PHF7: variants seen among roughly 807,000 people sequenced by gnomAD.
PHF7 encodes PHD finger protein 7.
A neutral mutation model predicts 47.5 loss-of-function variants in PHF7; 24 were observed. The ratio of observed to expected loss-of-function variants is 0.51; its 90% confidence interval spans 0.37 to 0.71. The LOEUF (loss-of-function observed/expected upper bound fraction) is 0.71, where lower values mean the gene tolerates loss of function less well. PHF7 is among the 30% of genes least tolerant of loss of function. The probability of loss-of-function intolerance (pLI) is 0.00; values close to 1 mark genes in which losing one functional copy is unlikely to be tolerated. For synonymous variants in PHF7, 156 were observed against 153.8 expected (o/e 1.01, Z -0.11); for missense variants, 361 against 456.8 (o/e 0.79, Z 1.91).
chr3:52,414,445 T>C (rs767385095), intron 3 of PHF7, 51 bp from the exon 4 acceptor site: 61 of 1,012,822 alleles, frequency 6.0e-5, no homozygotes, highest in South Asian at 2.6e-5. Context: ...ACCCTTCTCT[T>C]CCATTCTTAA....
intron 3 of PHF7, 26 bp from the exon 4 acceptor site, chr3:52,414,470 C>T (rs779906245): frequency 4.2e-6 from 6 of 1,419,978 alleles, no homozygotes; most frequent in Non-Finnish European, 6.0e-6. Flanking sequence ...CAATTTGAGC[C>T]AAATTCTGGG....
rs781597806 is a variant in PHF7 at position 52,422,906 on chromosome 3, C to G, written c.919+25C>G. 1.9e-6 allele frequency: 3 copies of G among 1,613,866 alleles called. No individual in the cohort carries two copies. In the South Asian group the frequency reaches 3.3e-5, roughly 18 times the overall value. ...GGTGAGGCTGGAGGGATGGGCCGGC[C>G]TCAGAGCAAGGAGGGGGCTGTAGGG... On this transcript the variant is annotated intron_variant, in intron 10 of 10. Coordinates refer to ENST00000327906, the MANE Select transcript of PHF7 (RefSeq NM_016483.7).
At chr3:52,423,045 G>A (rs1462681238) in intron 10 of PHF7, 46 bp from the exon 11 acceptor site, 3 of 1,507,320 alleles carry the variant, frequency 2.0e-6, no homozygotes, top group Non-Finnish European at 1.8e-6. Context: ...CTGTGCCTGG[G>A]AGAAGCAGAG....
chr3:52,412,811 C>A lies in PHF7; in HGVS notation c.-69C>A. On this transcript the variant is annotated splice_region_variant and 5_prime_UTR_variant, in exon 2 of 11. The change creates a new upstream start codon in the 5' untranslated region. Coordinates refer to ENST00000327906, the MANE Select transcript of PHF7 (RefSeq NM_016483.7). ...TACCAAACCCCATTTATATTTATAG[C>A]TGGAAGAGCCTGTATTGTCCTCACA... 8.1e-7 allele frequency: 1 copy of A among 1,234,778 alleles called. No homozygotes were observed. The highest frequency in any genetic ancestry group is 1.2e-6 in the Non-Finnish European group (1 of 848,976). 76.5% of individuals were successfully genotyped at this position (1,234,778 alleles called of 1,614,324 possible). A position where few individuals can be genotyped will look rare whatever the true frequency, so the allele number is the denominator to read the frequency against.
rs868656396 is a variant in PHF7, at chr3:52,422,272, G to A, written c.731G>A (p.Arg244His). The stretch of plus-strand genomic sequence containing the variant: ...GGGGCTTTCTCAGACTTATATCAGC[G>A]CTATCAGCACTGTGATGCCCCCATC... ...EPGAFSDLYQ[R>H]YQHCDAPICL... is the part of the protein sequence containing the mutation. The change falls in exon 9 of 11, where the codon CGC (arginine) becomes CAC (histidine). Residue 244 changes from arginine (R) to histidine (H), a missense_variant. By Grantham distance (29) the Arg-to-His change is conservative. Coordinates refer to ENST00000327906, the MANE Select transcript of PHF7 (RefSeq NM_016483.7). 1.2e-6 allele frequency: 2 copies of A among 1,613,906 alleles called. No homozygotes were observed. Among genetic ancestry groups the A allele is most frequent in the East Asian group, 2.2e-5 (1 of 44,888 alleles).
In PHF7 at chr3:52,410,712, A is replaced by G. The variant is rs1705392554; in HGVS notation, c.-605A>G. On this transcript the variant is annotated 5_prime_UTR_variant, in exon 1 of 11. Coordinates refer to ENST00000327906, the MANE Select transcript of PHF7 (RefSeq NM_016483.7). ...GGGCGGCCGCCCGGAGGTAGCTACC[A>G]CGGCCTGTGTCAACGACTAAAGCTC... The G allele has an allele frequency of 6.6e-6, 1 of 152,640 alleles. No homozygotes were observed. The highest frequency in any genetic ancestry group is 6.5e-5 in the Admixed American group (1 of 15,294). 9.5% of individuals were successfully genotyped at this position (152,640 alleles called of 1,614,324 possible). A position where few individuals can be genotyped will look rare whatever the true frequency, so the allele number is the denominator to read the frequency against.
chr3:52,421,547 T>C, intron 7 of PHF7, 101 bp from the exon 8 acceptor site: 1 of 755,826 alleles, frequency 1.3e-6, no homozygotes, highest in Non-Finnish European at 2.4e-6. Flanking sequence ...ACCCTCAAAC[T>C]CTCTTAGCAA....
intron 1 of PHF7, among the ~76,000 whole-genome samples, 161 bp from the exon 2 acceptor site, chr3:52,412,650 C>T (rs1344134109): frequency 6.6e-6 from 1 of 152,198 alleles, no homozygotes; most frequent in Non-Finnish European, 1.5e-5. Flanking sequence ...GTACCTACTG[C>T]ATGGCGTGTT....
chr3:52,421,195 T>C, intron 7 of PHF7, 133 bp downstream of exon 7: 2 of 747,406 alleles, frequency 2.7e-6, no homozygotes, highest in Admixed American at 3.0e-5. Context: ...GAGGGCTGGT[T>C]TCAGGCAGTT....
In PHF7 at chr3:52,419,904, CA is replaced by C; in HGVS notation, c.263del (p.Lys88ArgfsTer131). On this transcript the variant is annotated frameshift_variant, in exon 5 of 11. Transcript: ENST00000327906. LOFTEE classifies it high-confidence loss of function. ...TCCATGGATTTCTGCCTGAAGACAT[CA>C]AAAAGGAGGCAGCCCGGGCTTCTAG... ...GFHGFLPEDI[K>X]KEAARASRKI... is the part of the protein sequence containing the mutation. 6.2e-7 allele frequency: 1 copy of C among 1,609,042 alleles called. No homozygotes were observed. Among genetic ancestry groups the C allele is most frequent in the Non-Finnish European group, 8.5e-7 (1 of 1,177,140 alleles).
chr3:52,418,952 C>T (rs547972907), intron 4 of PHF7, among the ~76,000 whole-genome samples: 10 of 151,972 alleles, frequency 6.6e-5, no homozygotes, highest in South Asian at 2.1e-4. Flanking sequence ...GGATTACAGG[C>T]GCGCACCACC....
At chr3:52,417,821 G>C (rs1421515675) in intron 4 of PHF7, among the ~76,000 whole-genome samples, 1 of 152,164 alleles carries the variant, frequency 6.6e-6, no homozygotes, top group Non-Finnish European at 1.5e-5. Flanking sequence ...ACATTGAATA[G>C]AAGTGGTGTG....
At chr3:52,422,711 A>C (rs748570768) in intron 9 of PHF7, 49 bp from the exon 10 acceptor site, 5 of 1,606,050 alleles carry the variant, frequency 3.1e-6, no homozygotes, top group Non-Finnish European at 8.5e-7. Context: ...CAAGCATGGC[A>C]GTTGGTGTTC....
intron 2 of PHF7, 99 bp from the exon 3 acceptor site, chr3:52,413,897 C>A: frequency 1.3e-6 from 1 of 781,670 alleles, no homozygotes; most frequent in Non-Finnish European, 2.3e-6. Context: ...TATGTTGGTC[C>A]TTCATCAGAC....
intron 4 of PHF7, among the ~76,000 whole-genome samples, chr3:52,417,007 A>G (rs935091803): frequency 2.1e-5 from 2 of 96,856 alleles, no homozygotes; most frequent in Non-Finnish European, 4.0e-5. Context: ...TGTAATTGTA[A>G]TGGAGCCCAG....
chr3:52,417,640 T>C (rs1374824076), intron 4 of PHF7, among the ~76,000 whole-genome samples: 1 of 152,252 alleles, frequency 6.6e-6, no homozygotes. Context: ...TGTAATCTTG[T>C]TAAATTGAGT....
intron 8 of PHF7, 83 bp from the exon 9 acceptor site, chr3:52,422,139 G>T (rs1468394228): frequency 3.0e-5 from 28 of 924,382 alleles, no homozygotes; most frequent in African/African-American, 6.5e-5. Flanking sequence ...TGCTTAGCTT[G>T]GGCTCTTCCT....
intron 4 of PHF7, among the ~76,000 whole-genome samples, chr3:52,416,772 G>A (rs1286410122): frequency 4.7e-5 from 7 of 149,876 alleles, no homozygotes; most frequent in Admixed American, 4.0e-4. Flanking sequence ...AGTGGAGCTT[G>A]CAGTGAGCCG....
rs945825614 is a variant in PHF7, at chr3:52,420,842, C to T, written c.414-61C>T. On this transcript the variant is annotated intron_variant, in intron 6 of 10. Coordinates refer to ENST00000327906, the MANE Select transcript of PHF7 (RefSeq NM_016483.7). ...GGGTGGCTGGCTGCCCCTCCTAGAG[C>T]GGGCCATTGGGAAACTACATCAATG... 20 of 1,485,570 alleles carry T rather than the reference C, an allele frequency of 1.3e-5. No individual in the cohort carries two copies. In the Admixed American group the frequency reaches 1.5e-4, roughly 11 times the overall value. 92.0% of individuals were successfully genotyped at this position (1,485,570 alleles called of 1,614,324 possible). A position where few individuals can be genotyped will look rare whatever the true frequency, so the allele number is the denominator to read the frequency against.
Sources: gnomAD v4.1 joint callset for allele counts (sites outside exome capture counted in the v4.1 genomes callset) on GRCh38, gnomAD v4.1.1 for gene constraint, MANE v1.5 for transcripts, NCBI Gene and HGNC (gene_info 2026-07-23, HGNC 2026-07-21) for gene names.